Variants in DZANK1 observed in about 807,000 individuals in gnomAD.
DZANK1 encodes double zinc ribbon and ankyrin repeat-containing protein 1.
In DZANK1, 91 loss-of-function variants were observed where a neutral mutation model predicts 94.5. The observed-to-expected ratio is 0.96, with a 90% CI of 0.81 to 1.15. The LOEUF (loss-of-function observed/expected upper bound fraction) is 1.15. DZANK1 is among the 50% of genes most tolerant of loss of function. The pLI is 0.00. For missense variants in DZANK1, 903 were observed against 916.4 expected (o/e 0.99, Z 0.19); for synonymous variants, 312 against 325.3 (o/e 0.96, Z 0.44).
At chr20:18,401,143 G>T (rs1434673732) in intron 13 of DZANK1, among the ~76,000 whole-genome samples, 1 of 152,048 alleles carries the variant, frequency 6.6e-6, no homozygotes, top group African/African-American at 2.4e-5. Context: ...TGCTATGTTG[G>T]CCAGGCTGGT....
chr20:18,429,312 C>T (rs2058186199), intron 9 of DZANK1, among the ~76,000 whole-genome samples: 1 of 152,240 alleles, frequency 6.6e-6, no homozygotes, highest in Non-Finnish European at 1.5e-5. Context: ...AAGACCTCAC[C>T]TTGCAGGGCT....
chr20:18,453,692 C>G (rs1458817095), intron 5 of DZANK1, 39 bp downstream of exon 5: 1 of 1,455,858 alleles, frequency 6.9e-7, no homozygotes, highest in East Asian at 2.3e-5. Context: ...TCGGTGGGTT[C>G]AGAATACAAA....
At chr20:18,402,490 G>A (rs936740631) in intron 13 of DZANK1, among the ~76,000 whole-genome samples, 7 of 151,974 alleles carry the variant, frequency 4.6e-5, no homozygotes, top group Non-Finnish European at 5.9e-5. Flanking sequence ...ATAAACATAC[G>A]GTGCATGTGG....
intron 6 of DZANK1, among the ~76,000 whole-genome samples, chr20:18,450,625 G>A (rs1014781470): frequency 6.6e-6 from 1 of 152,156 alleles, no homozygotes; most frequent in African/African-American, 2.4e-5. Flanking sequence ...TCAGTCCCTG[G>A]GTGATTCTGA....
At chr20:18,463,278 G>A (rs370668527) in intron 2 of DZANK1, among the ~76,000 whole-genome samples, 13 of 152,198 alleles carry the variant, frequency 8.5e-5, no homozygotes, top group African/African-American at 2.2e-4. Context: ...GAAATACCAC[G>A]TGTTCTCACT....
chr20:18,452,454 T>C (rs190423557), intron 6 of DZANK1, among the ~76,000 whole-genome samples, 161 bp downstream of exon 6: 15 of 152,366 alleles, frequency 9.8e-5, no homozygotes, highest in Admixed American at 5.2e-4. Context: ...GTAAGCTCCA[T>C]GAATACAGGG....
In DZANK1 at chr20:18,432,043, C is replaced by T. The variant is rs2058307354; in HGVS notation, c.861+1609G>A. On this transcript the variant is annotated intron_variant, in intron 9 of 20. Coordinates refer to ENST00000262547, the Ensembl canonical transcript of DZANK1. ...TTCCTGGATTTAATGCTGCTTATCA[C>T]TGTAGAAGTCCTGTGTTTATTCTCA... Among the ~76,000 whole-genome samples, 3 of 152,322 alleles carry T rather than the reference C, an allele frequency of 2.0e-5. No homozygotes were observed. The South Asian group carries it at 6.2e-4, about 32-fold the overall frequency.
chr20:18,443,417 A>T, exon 8 of DZANK1: 2 of 1,529,474 alleles, frequency 1.3e-6, no homozygotes, highest in Non-Finnish European at 1.8e-6. Flanking sequence ...TTCTTGACAG[A>T]AGCGAGCAAA....
chr20:18,456,340 C>T (rs893103561), intron 3 of DZANK1, among the ~76,000 whole-genome samples: 2 of 152,180 alleles, frequency 1.3e-5, no homozygotes, highest in African/African-American at 4.8e-5. Flanking sequence ...GTAGCCGTGC[C>T]CATGACTAAA....
intron 2 of DZANK1, among the ~76,000 whole-genome samples, chr20:18,462,339 G>T (rs2059498933): frequency 6.6e-6 from 1 of 152,098 alleles, no homozygotes; most frequent in Non-Finnish European, 1.5e-5. Flanking sequence ...TGGAGGTGAA[G>T]CAGGGATAAG....
chr20:18,453,117 C>G (rs2059162244), intron 5 of DZANK1, among the ~76,000 whole-genome samples: 1 of 152,178 alleles, frequency 6.6e-6, no homozygotes, highest in South Asian at 2.1e-4. Flanking sequence ...ACTGAGAAAC[C>G]CTGTTCTCTT....
chr20:18,392,718 T>C (rs1393573719), intron 17 of DZANK1, among the ~76,000 whole-genome samples: 12 of 152,264 alleles, frequency 7.9e-5, no homozygotes, highest in Admixed American at 7.9e-4. Context: ...AAAACGGTAC[T>C]GACCATCGGT....
intron 9 of DZANK1, among the ~76,000 whole-genome samples, chr20:18,430,557 G>C (rs1164885013): frequency 2.0e-5 from 3 of 152,238 alleles, no homozygotes; most frequent in African/African-American, 7.2e-5. Context: ...GCCCACGCCT[G>C]TAATCCCAGA....
chr20:18,387,147 T>G (rs2048544123), intron 19 of DZANK1, among the ~76,000 whole-genome samples: 1 of 152,222 alleles, frequency 6.6e-6, no homozygotes, highest in Non-Finnish European at 1.5e-5. Context: ...ATTCACCATT[T>G]GAACTGGGAT....
chr20:18,420,958 TA>T (rs2148505949), intron 10 of DZANK1: 2 of 157,654 alleles, frequency 1.3e-5, no homozygotes, highest in South Asian at 3.7e-4. Flanking sequence ...TCACTGCAGC[TA>T]AAAAGGAATC....
At chr20:18,456,785 C>T (rs2059308373) in intron 3 of DZANK1, among the ~76,000 whole-genome samples, 1 of 151,952 alleles carries the variant, frequency 6.6e-6, no homozygotes, top group Admixed American at 6.6e-5. Context: ...TATGGATATA[C>T]CACAATTTTT....
At chr20:18,431,935 A>G (rs1017718521) in intron 9 of DZANK1, among the ~76,000 whole-genome samples, 2 of 152,228 alleles carry the variant, frequency 1.3e-5, no homozygotes, top group African/African-American at 4.8e-5. Flanking sequence ...TGGAGTAGAA[A>G]TAAGTTATCA....
intron 4 of DZANK1, chr20:18,454,232 C>A: frequency 2.8e-6 from 1 of 354,508 alleles, no homozygotes; most frequent in Non-Finnish European, 5.5e-6. Context: ...TCTCTCTGGA[C>A]TTTCTCCATG....
rs2058566464 is a variant in DZANK1, at chr20:18,437,466, C to A, written c.748-3701G>T. Among the ~76,000 whole-genome samples, 10 of 152,130 alleles carry A rather than the reference C, an allele frequency of 6.6e-5. No homozygotes were observed. In the South Asian group the frequency reaches 1.9e-3, roughly 28 times the overall value. Reference sequence around the variant, plus strand: ...TGGTGGTGCACACCTGTAATCCCAGCAACTCAGGAGGCTAAGACAGGAGAA... The same window carrying A: ...TGGTGGTGCACACCTGTAATCCCAGAAACTCAGGAGGCTAAGACAGGAGAA... On this transcript the variant is annotated intron_variant, in intron 8 of 20. Coordinates refer to ENST00000262547, the Ensembl canonical transcript of DZANK1.
Sources: allele counts gnomAD v4.1 joint callset (sites outside exome capture counted in the v4.1 genomes callset), GRCh38; gene constraint gnomAD v4.1.1; transcripts MANE v1.5; gene names NCBI Gene and HGNC (gene_info 2026-07-23, HGNC 2026-07-21).